The following KANSL1 variants were observed in gnomAD, a reference collection of about 807,000 sequenced individuals.
KANSL1 encodes the protein KAT8 regulatory NSL complex subunit 1.
KANSL1 carries 22 observed loss-of-function variants against 103.6 expected under a neutral mutation model. That is an observed-to-expected ratio of 0.21 (90% CI 0.15 to 0.30). The LOEUF is 0.30. KANSL1 is among the 10% of genes least tolerant of loss of function. The pLI is 1.00. For missense variants in KANSL1, 1,337 were observed against 1,399.8 expected, an observed-to-expected ratio of 0.96 and a Z score of 0.72; for synonymous variants, 600 against 527.6, an observed-to-expected ratio of 1.14 and a Z score of -1.88.
intron 6 of KANSL1, among the ~76,000 whole-genome samples, chr17:46,066,180 G>C (rs928830574): frequency 1.3e-5 from 2 of 152,166 alleles, no homozygotes; most frequent in Non-Finnish European, 2.9e-5. Flanking sequence ...TAGGGCAAAG[G>C]ATTCTATACT....
chr17:46,113,512 T>A (rs545390925), intron 2 of KANSL1, among the ~76,000 whole-genome samples: 5 of 152,366 alleles, frequency 3.3e-5, no homozygotes, highest in Non-Finnish European at 7.3e-5. Flanking sequence ...CAAGCCTTTG[T>A]GTCTCTCAAA....
At chr17:46,142,159 T>C (rs2044454854) in intron 2 of KANSL1, among the ~76,000 whole-genome samples, 1 of 152,198 alleles carries the variant, frequency 6.6e-6, no homozygotes, top group African/African-American at 2.4e-5. Context: ...CCTATTAGTG[T>C]CTGGAAGGAT....
In KANSL1 at chr17:46,078,702, C is replaced by T. The variant is rs1411333625; in HGVS notation, c.1533+3739G>A. Among the ~76,000 whole-genome samples, 8 of 152,212 alleles carry T rather than the reference C, an allele frequency of 5.3e-5. No homozygotes were observed. In the East Asian group the frequency reaches 1.5e-3, roughly 29 times the overall value. On this transcript the variant is annotated intron_variant, in intron 4 of 14. Coordinates refer to ENST00000432791, the MANE Select transcript of KANSL1 (RefSeq NM_015443.4). ...TGAGTAATTTACCTAGTAATATGCA[C>T]AGGTTCCAAGCTTGCCCTTCTTTGC...
chr17:46,125,002 AGAAAGGGAAG>A (rs1276936429), intron 2 of KANSL1, among the ~76,000 whole-genome samples: 1 of 107,348 alleles, frequency 9.3e-6, no homozygotes, highest in Admixed American at 9.4e-5. Context: ...AGGGAAGGAA[AGAAAGGGAAG>A]GGAAGGGAAG....
chr17:46,129,740 C>G (rs1439074051), intron 2 of KANSL1, among the ~76,000 whole-genome samples: 2 of 151,876 alleles, frequency 1.3e-5, no homozygotes, highest in African/African-American at 2.4e-5. Flanking sequence ...TATTTCTGTG[C>G]TTTTGAATAA....
chr17:46,083,340 T>C (rs559124226), intron 3 of KANSL1, among the ~76,000 whole-genome samples: 1 of 152,236 alleles, frequency 6.6e-6, no homozygotes, highest in South Asian at 2.1e-4. Flanking sequence ...AAGACTGGGA[T>C]GCAAGTGATC....
rs547462953 is a variant in KANSL1, at chr17:46,094,568, C to T, written c.1423G>A (p.Ala475Thr). 702 of 1,612,748 alleles carry T rather than the reference C, an allele frequency of 4.4e-4. 17 individuals are homozygous for T. In the South Asian group the frequency reaches 7.4e-3, roughly 17 times the overall value. The change falls in exon 3 of 15, where the codon GCT (alanine) becomes ACT (threonine). Residue 475 changes from alanine to threonine, a missense_variant. Around this residue, in one of 2 missense-constraint regions of KANSL1, gnomAD observed 780 missense variants for 923.4 expected, o/e 0.84. Transcript: ENST00000432791. ...AGATACTTATCCCTTACCTTATTAGCACGTATCTGTTTGTAAATGTCTGTT... is the reference window on the plus strand; with the variant it reads ...AGATACTTATCCCTTACCTTATTAGTACGTATCTGTTTGTAAATGTCTGTT... Reference protein sequence around the residue: ...QQTDIYKQIRANKGLIVLGEV... With the variant: ...QQTDIYKQIRTNKGLIVLGEV...
chr17:46,197,322 CACT>C (rs1343026630), upstream of KANSL1, among the ~76,000 whole-genome samples: 1 of 152,178 alleles, frequency 6.6e-6, no homozygotes, highest in Non-Finnish European at 1.5e-5. Context: ...TCCACCACAC[CACT>C]GTTATCGTCT....
chr17:46,193,680 C>T, upstream of KANSL1: 1 of 303,840 alleles, frequency 3.3e-6, no homozygotes, highest in Non-Finnish European at 6.8e-6. Flanking sequence ...CTGCCCCGGA[C>T]GTGCGGCGAC....
chr17:46,109,175 T>C (rs2042696865), intron 2 of KANSL1, among the ~76,000 whole-genome samples: 1 of 152,150 alleles, frequency 6.6e-6, no homozygotes, highest in South Asian at 2.1e-4. Context: ...CTCAAACTCC[T>C]AGGCTCAGGT....
intron 1 of KANSL1, among the ~76,000 whole-genome samples, chr17:46,182,341 GAA>G (rs2046832434): frequency 6.6e-6 from 1 of 152,350 alleles, no homozygotes; most frequent in East Asian, 1.9e-4. Context: ...CTTCTCAAGA[GAA>G]AGAGAGGAAA....
At chr17:46,148,241 C>T (rs56412706) in intron 2 of KANSL1, 17,203 of 150,108 alleles carry the variant, frequency 0.11, no homozygotes, top group Non-Finnish European at 0.17. Context: ...ACCGCTCCCC[C>T]GAAAGAAAGC....
chr17:46,115,607 T>A (rs2043011510), intron 2 of KANSL1, among the ~76,000 whole-genome samples: 1 of 152,222 alleles, frequency 6.6e-6, no homozygotes, highest in Admixed American at 6.5e-5. Context: ...ATATGTGATT[T>A]CAAACTAAAT....
At chr17:46,189,388 A>T (rs1286628177) in intron 1 of KANSL1, among the ~76,000 whole-genome samples, 7 of 152,104 alleles carry the variant, frequency 4.6e-5, no homozygotes, top group Admixed American at 2.0e-4. Context: ...GGACAATAAA[A>T]CTATATACAT....
chr17:46,051,018 GCTTT>G (rs1385573666), intron 6 of KANSL1, among the ~76,000 whole-genome samples: 2 of 152,214 alleles, frequency 1.3e-5, no homozygotes, highest in Non-Finnish European at 2.9e-5. Context: ...CTAAAACTGT[GCTTT>G]CTGAGAACAC....
chr17:46,167,916 C>A (rs2046085929), intron 2 of KANSL1, among the ~76,000 whole-genome samples: 1 of 152,178 alleles, frequency 6.6e-6, no homozygotes, highest in Non-Finnish European at 1.5e-5. Context: ...CAGAACTATC[C>A]ACTTGTAATT....
At position 46,050,707 on chromosome 17, in the gene KANSL1, G is replaced by A. The variant is rs757213880; in HGVS notation, c.1849-3C>T. The A allele has an allele frequency of 9.4e-6, 15 of 1,603,654 alleles. No homozygotes were observed. Among genetic ancestry groups the A allele is most frequent in the Non-Finnish European group, 1.2e-5 (14 of 1,172,960 alleles). ...CGGATTGTGCTGTTCCGGTGAACCT[G>A]TGAAAAAAGCCAAACAAAACTGACA... On this transcript the variant is annotated splice_polypyrimidine_tract_variant and splice_region_variant and intron_variant, in intron 6 of 14. Transcript: ENST00000432791.
rs2076986582 is a variant in KANSL1 at position 46,030,792 on chromosome 17, TGAG to T, written c.*681_*683del. On this transcript the variant is annotated 3_prime_UTR_variant, in exon 15 of 15. Transcript: ENST00000432791. ...AGACAGGGAAGGGTACCAAGGGGCATGAGGAGGGGAACCTGAGCAGCCACAGCC... is the reference window on the plus strand; with the variant it reads ...AGACAGGGAAGGGTACCAAGGGGCATGAGGGGAACCTGAGCAGCCACAGCC... 2 of 152,042 alleles carry T rather than the reference TGAG, an allele frequency of 1.3e-5. No individual in the cohort carries two copies. The highest frequency in any genetic ancestry group is 4.8e-5 in the African/African-American group (2 of 41,276). 9.4% of individuals were successfully genotyped at this position (152,042 alleles called of 1,614,324 possible). A position where few individuals can be genotyped will look rare whatever the true frequency, so the allele number is the denominator to read the frequency against.
chr17:46,120,862 T>C (rs547599459), intron 2 of KANSL1, among the ~76,000 whole-genome samples: 1 of 152,292 alleles, frequency 6.6e-6, no homozygotes, highest in Non-Finnish European at 1.5e-5. Flanking sequence ...AAAATACAGC[T>C]AGATTCAAAG....
Sources: allele counts gnomAD v4.1 joint callset (sites outside exome capture counted in the v4.1 genomes callset), GRCh38; gene constraint gnomAD v4.1.1; regional missense constraint gnomAD v4.1.1; transcripts MANE v1.5; gene names NCBI Gene and HGNC (gene_info 2026-07-23, HGNC 2026-07-21).